The following SLC9A7 variants were observed in gnomAD, a reference collection of about 807,000 sequenced individuals.
SLC9A7 encodes sodium/hydrogen exchanger 7.
Under a neutral mutation model 52.6 loss-of-function variants are expected in SLC9A7, and 19 were observed. That is an observed-to-expected ratio of 0.36 (90% confidence interval 0.25 to 0.53). The LOEUF (loss-of-function observed/expected upper bound fraction) is 0.53. Ranked by LOEUF, SLC9A7 falls within the 20% of genes least tolerant of loss-of-function variation. The pLI is 0.91. For synonymous variants in SLC9A7, 226 were observed against 252.1 expected (o/e 0.90, Z 0.98); for missense variants, 455 against 597.9 (o/e 0.76, Z 2.49).
In SLC9A7 at chrX:46,640,995, C is replaced by T. The variant is rs1340741826; in HGVS notation, c.1616+2241G>A. Among the ~76,000 whole-genome samples, 4 of 112,567 alleles carry T rather than the reference C, an allele frequency of 3.6e-5. No individual in the cohort carries two copies. The East Asian group carries it at 1.1e-3, about 31-fold the overall frequency. Reference sequence around the variant, plus strand: ...GTTGGCAGTTTCTTATAAAACTAAACACGTTTACTATCCAACACAGAAGGC... The same window carrying T: ...GTTGGCAGTTTCTTATAAAACTAAATACGTTTACTATCCAACACAGAAGGC... On this transcript the variant is annotated intron_variant, in intron 12 of 16. Transcript: ENST00000616978.
chrX:46,602,623 T>TAGA lies in SLC9A7; in HGVS notation c.*4326_*4328dup, dbSNP rs1047938715. 3.6e-5 allele frequency: 4 copies of TAGA among 112,630 alleles called. No homozygotes were observed. The Admixed American group carries it at 3.8e-4, about 11-fold the overall frequency. The allele number at this position is 112,630 out of a possible 1,213,427, so 9.3% of individuals were successfully genotyped here. On this transcript the variant is annotated 3_prime_UTR_variant, in exon 17 of 17. Transcript: ENST00000616978. ...CAGCCAGGGTTGAGAACCTCTGCTC[T>TAGA]AGAACATCGGACTCGGCTGAACTGT...
intron 8 of SLC9A7, among the ~76,000 whole-genome samples, chrX:46,652,440 T>C (rs887274177): frequency 9.1e-6 from 1 of 109,525 alleles, no homozygotes; most frequent in Non-Finnish European, 1.9e-5. Context: ...GCATGCGCAC[T>C]GTGCCTGGCC....
chrX:46,610,014 C>T (rs1331304689), intron 16 of SLC9A7, among the ~76,000 whole-genome samples: 3 of 111,912 alleles, frequency 2.7e-5, no homozygotes, highest in Non-Finnish European at 3.8e-5. Flanking sequence ...GGCAAGAGAG[C>T]GAGACTGTCT....
At chrX:46,673,036 G>T (rs1944050448) in intron 3 of SLC9A7, among the ~76,000 whole-genome samples, 1 of 111,865 alleles carries the variant, frequency 8.9e-6, no homozygotes, top group Non-Finnish European at 1.9e-5. Flanking sequence ...ACAGATAGAA[G>T]TTTAAAACAA....
At chrX:46,711,095 G>A (rs1346497801) in intron 1 of SLC9A7, among the ~76,000 whole-genome samples, 1 of 112,907 alleles carries the variant, frequency 8.9e-6, no homozygotes. Context: ...TGGGCAAATG[G>A]AGAAGGCCCC....
At chrX:46,694,290 A>T (rs1026664548) in intron 1 of SLC9A7, among the ~76,000 whole-genome samples, 6 of 110,814 alleles carry the variant, frequency 5.4e-5, no homozygotes, top group African/African-American at 2.0e-4. Context: ...CCTGTCTCTT[A>T]AAAAAAGAGA....
At chrX:46,745,429 T>C (rs4634781) in intron 1 of SLC9A7, among the ~76,000 whole-genome samples, 1,625 of 111,962 alleles carry the variant, frequency 0.015, 30 homozygotes, top group African/African-American at 0.05. Flanking sequence ...AAAAACACCC[T>C]GCAGCTACCT....
rs918945072 is a variant in SLC9A7, at chrX:46,709,891, G to A, written c.326-27356C>T. On this transcript the variant is annotated intron_variant, in intron 1 of 16. Transcript: ENST00000616978. ...GTGTTGATGGCACTCTAGAGCAACAGTGCCAACTGCGTTATTACATACGCT... is the reference window on the plus strand; with the variant it reads ...GTGTTGATGGCACTCTAGAGCAACAATGCCAACTGCGTTATTACATACGCT... Among the ~76,000 whole-genome samples, 3 of 112,285 alleles carry A rather than the reference G, an allele frequency of 2.7e-5. No individual in the cohort carries two copies. In the Admixed American group the frequency reaches 2.8e-4, roughly 11 times the overall value.
chrX:46,660,590 C>T (rs1012847449), intron 7 of SLC9A7, among the ~76,000 whole-genome samples: 13 of 111,267 alleles, frequency 1.2e-4, no homozygotes, highest in Non-Finnish European at 1.9e-4. Context: ...CAAAAGAAGA[C>T]TTTTATGCAG....
intron 16 of SLC9A7, among the ~76,000 whole-genome samples, chrX:46,610,373 A>G (rs1942828705): frequency 8.9e-6 from 1 of 112,511 alleles, no homozygotes; most frequent in Non-Finnish European, 1.9e-5. Flanking sequence ...AAATCTCCAA[A>G]TAAACTTGGC....
chrX:46,688,018 C>A (rs1944322647), intron 1 of SLC9A7, among the ~76,000 whole-genome samples: 2 of 112,263 alleles, frequency 1.8e-5, no homozygotes, highest in Non-Finnish European at 3.8e-5. Flanking sequence ...GTACTTCATT[C>A]CTTTTTATTG....
intron 5 of SLC9A7, among the ~76,000 whole-genome samples, chrX:46,667,661 T>TC (rs1319304382): frequency 1.8e-5 from 2 of 111,436 alleles, no homozygotes; most frequent in African/African-American, 6.5e-5. Flanking sequence ...AGGGGCATGG[T>TC]CAAGTGGGGT....
At chrX:46,713,922 T>C (rs188505275) in intron 1 of SLC9A7, among the ~76,000 whole-genome samples, 2 of 110,599 alleles carry the variant, frequency 1.8e-5, no homozygotes, top group Admixed American at 9.7e-5. Context: ...AGTATCTTCC[T>C]TTTCATTTTT....
chrX:46,695,704 C>T (rs1187090422), intron 1 of SLC9A7, among the ~76,000 whole-genome samples: 1 of 110,483 alleles, frequency 9.1e-6, no homozygotes, highest in East Asian at 2.8e-4. Flanking sequence ...CTAGCTGGTC[C>T]AACTGTCAGC....
In SLC9A7 at chrX:46,613,276, G is replaced by C. The variant is rs1317373461; in HGVS notation, c.1929+13C>G. 1.7e-6 allele frequency: 2 copies of C among 1,148,032 alleles called. No individual in the cohort carries two copies. The highest frequency in any genetic ancestry group is 3.6e-5 in the African/African-American group (2 of 55,692). The allele number at this position is 1,148,032 out of a possible 1,213,427, so 94.6% of individuals were successfully genotyped here. Reference sequence around the variant, plus strand: ...TGGTGACCAGGACTCCAACCCTGATGTGCAGTACTTACATCGTACACCTGG... The same window carrying C: ...TGGTGACCAGGACTCCAACCCTGATCTGCAGTACTTACATCGTACACCTGG... On this transcript the variant is annotated intron_variant, in intron 16 of 16. Coordinates refer to ENST00000616978, the MANE Select transcript of SLC9A7 (RefSeq NM_001257291.2).
chrX:46,632,657 G>A (rs190675546), intron 13 of SLC9A7, among the ~76,000 whole-genome samples: 142 of 111,494 alleles, frequency 1.3e-3, no homozygotes, highest in African/African-American at 4.2e-3. Context: ...CCACTGACCC[G>A]TTTCTCTCCC....
At chrX:46,746,307 C>T (rs1481546130) in intron 1 of SLC9A7, among the ~76,000 whole-genome samples, 2 of 110,630 alleles carry the variant, frequency 1.8e-5, no homozygotes, top group African/African-American at 3.3e-5. Context: ...CCAGGCTGGG[C>T]GACAGAGCGA....
chrX:46,659,474 C>T (rs1943771573), intron 7 of SLC9A7, among the ~76,000 whole-genome samples: 1 of 62,590 alleles, frequency 1.6e-5, no homozygotes, highest in Admixed American at 2.1e-4. Flanking sequence ...CTAGAAAACC[C>T]CATTGTCTCA....
At chrX:46,607,286 A>C in intron 16 of SLC9A7, 83 bp from the exon 17 acceptor site, 1 of 1,035,211 alleles carries the variant, frequency 9.7e-7, no homozygotes, top group Non-Finnish European at 1.3e-6. Flanking sequence ...CCCAATCCCA[A>C]CTCCTCATCT....
Sources: allele counts gnomAD v4.1 joint callset (sites outside exome capture counted in the v4.1 genomes callset), GRCh38; gene constraint gnomAD v4.1.1; transcripts MANE v1.5; gene names NCBI Gene and HGNC (gene_info 2026-07-23, HGNC 2026-07-21).